SC5D: variants seen among roughly 807,000 people sequenced by gnomAD.
SC5D encodes the protein sterol-C5-desaturase.
Under a neutral mutation model 23.9 loss-of-function variants are expected in SC5D, and 21 were observed. The ratio of observed to expected loss-of-function variants is 0.88; its 90% CI spans 0.62 to 1.26. SC5D has a LOEUF of 1.26. Ranked by LOEUF, SC5D falls within the 50% of genes most tolerant of loss-of-function variation. SC5D has a pLI of 0.00. For missense variants in SC5D, 309 were observed against 364.8 expected (o/e 0.85, Z 1.25); for synonymous variants, 113 against 125.9 (o/e 0.90, Z 0.68).
At position 121,310,432 on chromosome 11, in the gene SC5D, T is replaced by C. The variant is rs578072036; in HGVS notation, c.*2920T>C. Among the ~76,000 whole-genome samples, 8 of 150,786 alleles carry C rather than the reference T, an allele frequency of 5.3e-5. No homozygotes were observed. The East Asian group carries it at 1.6e-3, about 29-fold the overall frequency. On this transcript the variant is annotated 3_prime_UTR_variant, in exon 5 of 5. Coordinates refer to ENST00000264027, the MANE Select transcript of SC5D (RefSeq NM_006918.5). ...CTTAAAAAGAGGTGTGAGGCAGCTGTTCAGCCCTTCTGTCTCCTGTCCCTT... is the reference window on the plus strand; with the variant it reads ...CTTAAAAAGAGGTGTGAGGCAGCTGCTCAGCCCTTCTGTCTCCTGTCCCTT...
Position 121,312,238 on chromosome 11 carries a change from C to T in SC5D, c.*4726C>T, listed in dbSNP as rs1948016166. On this transcript the variant is annotated 3_prime_UTR_variant, in exon 5 of 5. Transcript: ENST00000264027. ...GTGTCAACAAGCTTTACTGTCAAAG[C>T]AGGCTTTTGGTATGGGAAGAAAAAT... 6.6e-6 allele frequency among the ~76,000 whole-genome samples: 1 copy of T among 152,108 alleles called. No individual in the cohort carries two copies. The highest frequency in any genetic ancestry group is 6.5e-5 in the Admixed American group (1 of 15,274).
chr11:121,300,380 G>T (rs982632840), intron 1 of SC5D, among the ~76,000 whole-genome samples: 1 of 152,126 alleles, frequency 6.6e-6, no homozygotes, highest in East Asian at 1.9e-4. Context: ...TGGATGGAAG[G>T]TACAGAATAG....
chr11:121,300,285 G>A (rs373813530), intron 1 of SC5D, among the ~76,000 whole-genome samples: 5 of 152,148 alleles, frequency 3.3e-5, no homozygotes, highest in African/African-American at 4.8e-5. Flanking sequence ...GACATTTTCC[G>A]TCCTTTACCA....
chr11:121,312,472 A>G lies in SC5D; in HGVS notation c.*4960A>G, dbSNP rs1432334802. Among the ~76,000 whole-genome samples, 1 of 152,166 alleles carries G rather than the reference A, an allele frequency of 6.6e-6. No homozygotes were observed. Among genetic ancestry groups the G allele is most frequent in the Non-Finnish European group, 1.5e-5 (1 of 68,000 alleles). On this transcript the variant is annotated 3_prime_UTR_variant, in exon 5 of 5. Coordinates refer to ENST00000264027, the MANE Select transcript of SC5D (RefSeq NM_006918.5). ...TATTTTATTAATCACATTTTCTTAA[A>G]CATTTGATAAGAGATTTAATATTTT...
intron 1 of SC5D, among the ~76,000 whole-genome samples, chr11:121,297,733 T>TAGAG (rs1947899282): frequency 1.3e-5 from 2 of 152,166 alleles, no homozygotes; most frequent in South Asian, 4.1e-4. Flanking sequence ...CTAACCATGT[T>TAGAG]TCGGTTAAGT....
chr11:121,298,733 A>G (rs1947906539), intron 1 of SC5D, among the ~76,000 whole-genome samples: 4 of 152,226 alleles, frequency 2.6e-5, no homozygotes, highest in Admixed American at 2.6e-4. Context: ...GTCCATGTGA[A>G]GAGACCACCA....
chr11:121,304,239 C>A, intron 2 of SC5D, 122 bp from the exon 3 acceptor site: 1 of 789,240 alleles, frequency 1.3e-6, no homozygotes, highest in Non-Finnish European at 2.1e-6. Flanking sequence ...TTAATAGAAA[C>A]AGTTTGGAGG....
chr11:121,294,927 T>C (rs547645882), intron 1 of SC5D, among the ~76,000 whole-genome samples: 1 of 152,356 alleles, frequency 6.6e-6, no homozygotes, highest in South Asian at 2.1e-4. Context: ...TTATCTGATA[T>C]TACGTAGTAC....
intron 1 of SC5D, among the ~76,000 whole-genome samples, chr11:121,295,630 G>A (rs577279149): frequency 3.9e-5 from 6 of 152,120 alleles, no homozygotes; most frequent in African/African-American, 4.8e-5. Flanking sequence ...GGAATAAAGC[G>A]GGAGGCAGGT....
intron 1 of SC5D, among the ~76,000 whole-genome samples, chr11:121,294,112 C>A (rs766420311): frequency 3.9e-5 from 6 of 152,160 alleles, no homozygotes; most frequent in Non-Finnish European, 5.9e-5. Flanking sequence ...TAATGGTAGA[C>A]TGAGTTGTTC....
chr11:121,293,247 T>C (rs933708132), intron 1 of SC5D, among the ~76,000 whole-genome samples: 2 of 152,224 alleles, frequency 1.3e-5, no homozygotes, highest in Admixed American at 6.5e-5. Flanking sequence ...GTGGACGGGC[T>C]TAAAGAAAAT....
At chr11:121,299,993 G>A (rs763447734) in intron 1 of SC5D, among the ~76,000 whole-genome samples, 1 of 152,196 alleles carries the variant, frequency 6.6e-6, no homozygotes, top group Non-Finnish European at 1.5e-5. Context: ...TGTATTTATA[G>A]GAATTTTGAA....
intron 1 of SC5D, 130 bp from the exon 2 acceptor site, chr11:121,303,236 T>G: frequency 1.4e-6 from 1 of 698,354 alleles, no homozygotes; most frequent in Non-Finnish European, 2.6e-6. Context: ...TGTAGGGGAT[T>G]CTGATAGCAG....
At chr11:121,297,858 A>G (rs1383792630) in intron 1 of SC5D, among the ~76,000 whole-genome samples, 2 of 152,352 alleles carry the variant, frequency 1.3e-5, no homozygotes, top group South Asian at 4.1e-4. Context: ...ACAAGGAAGA[A>G]TTCAGAAACT....
chr11:121,306,110 G>A (rs1947962055), intron 3 of SC5D: 1 of 407,452 alleles, frequency 2.5e-6, no homozygotes, highest in African/African-American at 2.0e-5. Flanking sequence ...TAATAAAGAT[G>A]TCTTAGGAGT....
At chr11:121,294,436 T>C (rs1279079128) in intron 1 of SC5D, among the ~76,000 whole-genome samples, 1 of 152,184 alleles carries the variant, frequency 6.6e-6, no homozygotes, top group Non-Finnish European at 1.5e-5. Flanking sequence ...TATGACCCTA[T>C]GCAAGTTACT....
chr11:121,294,734 C>T (rs1268621528), intron 1 of SC5D, among the ~76,000 whole-genome samples: 1 of 152,120 alleles, frequency 6.6e-6, no homozygotes, highest in Admixed American at 6.5e-5. Flanking sequence ...CAAAAGTCTA[C>T]TTAGTCTCTA....
In SC5D at chr11:121,312,651, A is replaced by G. The variant is rs191860081; in HGVS notation, c.*5139A>G. On this transcript the variant is annotated 3_prime_UTR_variant, in exon 5 of 5. Coordinates refer to ENST00000264027, the MANE Select transcript of SC5D (RefSeq NM_006918.5). The stretch of plus-strand genomic sequence containing the variant: ...ATAGGCTTTTATTCATTTCTTGAAT[A>G]ATTTTGTTATATCTTCCTCTTTTAG... Among the ~76,000 whole-genome samples the G allele has an allele frequency of 1.7e-3, 258 of 152,304 alleles. No homozygotes were observed. Among genetic ancestry groups the G allele is most frequent in the African/African-American group, 5.8e-3 (243 of 41,584 alleles).
Position 121,303,588 on chromosome 11 carries a change from A to G in SC5D, c.210+3A>G. 6.3e-7 allele frequency: 1 copy of G among 1,596,742 alleles called. No individual in the cohort carries two copies. Among genetic ancestry groups the G allele is most frequent in the Non-Finnish European group, 8.6e-7 (1 of 1,164,566 alleles). On this transcript the variant is annotated splice_donor_region_variant and intron_variant, in intron 2 of 4. Transcript: ENST00000264027. ...TGAAACATCCACAATTTTTAAAGGT[A>G]AGAAATGTTTTTACCTATTTTCTAA...
Sources: allele counts gnomAD v4.1 joint callset (sites outside exome capture counted in the v4.1 genomes callset), GRCh38; gene constraint gnomAD v4.1.1; transcripts MANE v1.5; gene names NCBI Gene and HGNC (gene_info 2026-07-23, HGNC 2026-07-21).